DENND5B: variants seen among roughly 807,000 people sequenced by gnomAD.
DENND5B encodes the protein DENN domain containing 5B.
Under a neutral mutation model 140.6 loss-of-function variants are expected in DENND5B, and 34 were observed. The observed-to-expected ratio is 0.24, with a 90% CI of 0.18 to 0.32. The LOEUF (loss-of-function observed/expected upper bound fraction) is 0.32. Among genes scored for constraint, DENND5B ranks in the 10% least tolerant of loss-of-function variants. The pLI is 1.00. For missense variants in DENND5B, 1,142 were observed against 1,560.2 expected (o/e 0.73, Z 4.52); for synonymous variants, 551 against 562.1 (o/e 0.98, Z 0.28).
At chr12:31,511,521 T>C (rs934987810) in intron 1 of DENND5B, among the ~76,000 whole-genome samples, 2 of 143,470 alleles carry the variant, frequency 1.4e-5, no homozygotes, top group Admixed American at 7.5e-5. Context: ...ATCTTAATAA[T>C]ACGTGAATAT....
intron 1 of DENND5B, chr12:31,499,512 G>T: frequency 1.9e-6 from 2 of 1,059,776 alleles, no homozygotes; most frequent in Non-Finnish European, 2.5e-6. Flanking sequence ...GTCTGACCAA[G>T]CAAAACTGAA....
chr12:31,547,074 G>GGT (rs1948888832), intron 1 of DENND5B, among the ~76,000 whole-genome samples: 1 of 152,162 alleles, frequency 6.6e-6, no homozygotes, highest in African/African-American at 2.4e-5. Context: ...GTTTCTCTGA[G>GGT]GTCACTGCCA....
At chr12:31,487,392 G>T (rs765152058) in intron 2 of DENND5B, among the ~76,000 whole-genome samples, 1 of 151,990 alleles carries the variant, frequency 6.6e-6, no homozygotes, top group Non-Finnish European at 1.5e-5. Flanking sequence ...TTGCTCTGCT[G>T]ATAGCATGAA....
rs148912665 is a variant in DENND5B, at chr12:31,575,926, A to G, written c.127+14780T>C. ...GGTTGCAGTGAGCCAAGATCACGCC[A>G]CTGCACTCCAGCCTGGGAGACAGAG... On this transcript the variant is annotated intron_variant, in intron 1 of 20. Coordinates refer to ENST00000389082, the MANE Select transcript of DENND5B (RefSeq NM_144973.4). Among the ~76,000 whole-genome samples, 1,137 of 152,176 alleles carry G rather than the reference A, an allele frequency of 7.5e-3. 4 individuals carry two copies. Among genetic ancestry groups the G allele is most frequent in the Admixed American group, 0.012 (176 of 15,284 alleles).
intron 8 of DENND5B, 82 bp from the exon 9 acceptor site, chr12:31,426,506 G>A: frequency 2.0e-6 from 3 of 1,466,928 alleles, no homozygotes; most frequent in Middle Eastern, 1.8e-4. Context: ...CAAGTGCAGA[G>A]ACAAATGAAA....
At chr12:31,484,959 G>A (rs1012905258) in intron 2 of DENND5B, among the ~76,000 whole-genome samples, 4 of 152,212 alleles carry the variant, frequency 2.6e-5, no homozygotes, top group South Asian at 4.1e-4. Flanking sequence ...GACCAGCTTA[G>A]TGGCTGAACC....
chr12:31,561,678 C>T (rs984264259), intron 1 of DENND5B, among the ~76,000 whole-genome samples: 1 of 152,128 alleles, frequency 6.6e-6, no homozygotes, highest in African/African-American at 2.4e-5. Context: ...AAATAGAAAA[C>T]ATTGCCATTT....
At chr12:31,419,777 C>T (rs1565561073) in intron 11 of DENND5B, among the ~76,000 whole-genome samples, 1 of 151,774 alleles carries the variant, frequency 6.6e-6, no homozygotes, top group Non-Finnish European at 1.5e-5. Context: ...AGTTTGAGAC[C>T]AGCCTGGCCA....
At chr12:31,459,545 C>T (rs1449971096) in intron 4 of DENND5B, among the ~76,000 whole-genome samples, 2 of 152,096 alleles carry the variant, frequency 1.3e-5, no homozygotes, top group Non-Finnish European at 1.5e-5. Flanking sequence ...ACCTTGGCCT[C>T]CCAAAGTGCT....
At chr12:31,404,445 C>T (rs564341010) in intron 14 of DENND5B, among the ~76,000 whole-genome samples, 5 of 152,196 alleles carry the variant, frequency 3.3e-5, no homozygotes, top group South Asian at 4.1e-4. Context: ...TACAGGTGCA[C>T]GCTACCACAC....
intron 2 of DENND5B, among the ~76,000 whole-genome samples, chr12:31,484,182 A>G (rs1354003081): frequency 6.6e-6 from 1 of 152,126 alleles, no homozygotes; most frequent in Non-Finnish European, 1.5e-5. Flanking sequence ...CAAGTTCAAA[A>G]TGGGTCGTAA....
chr12:31,420,072 T>G (rs1369606490), intron 11 of DENND5B: 1 of 984,974 alleles, frequency 1.0e-6, no homozygotes, highest in Non-Finnish European at 1.2e-6. Flanking sequence ...ATTTCCAGTT[T>G]AGTAGAACCT....
chr12:31,567,525 T>TTAAAA (rs778266873), intron 1 of DENND5B, among the ~76,000 whole-genome samples: 5 of 91,746 alleles, frequency 5.4e-5, no homozygotes, highest in Admixed American at 2.7e-4. Context: ...AGACTCTGTC[T>TTAAAA]AAAAAAAAAA....
chr12:31,400,843 T>TG (rs1234544500), intron 15 of DENND5B, among the ~76,000 whole-genome samples: 1 of 20,580 alleles, frequency 4.9e-5, no homozygotes, highest in African/African-American at 7.0e-5. Context: ...ACGAGTTTTT[T>TG]TTTTTTGTTT....
chr12:31,389,203 A>C, intron 20 of DENND5B, 121 bp downstream of exon 20: 2 of 981,646 alleles, frequency 2.0e-6, no homozygotes, highest in Non-Finnish European at 2.8e-6. Context: ...TTTCAAAAGA[A>C]AAAGTAAAAG....
chr12:31,418,502 C>G (rs1035460220), intron 11 of DENND5B, among the ~76,000 whole-genome samples: 1 of 151,624 alleles, frequency 6.6e-6, no homozygotes, highest in Non-Finnish European at 1.5e-5. Context: ...TTATGTTGCC[C>G]AGGCTGGACT....
intron 8 of DENND5B, 24 bp from the exon 9 acceptor site, chr12:31,426,448 A>G (rs778563406): frequency 6.2e-7 from 1 of 1,600,314 alleles, no homozygotes; most frequent in Non-Finnish European, 8.5e-7. Flanking sequence ...GAGTATTTTT[A>G]ATGCGTAAAC....
intron 1 of DENND5B, among the ~76,000 whole-genome samples, chr12:31,578,120 C>T (rs2139450311): frequency 9.4e-6 from 1 of 106,116 alleles, no homozygotes; most frequent in Admixed American, 1.2e-4. Context: ...AAGTGGGACG[C>T]TGTCTCAAAA....
chr12:31,533,666 A>T (rs529315716), intron 1 of DENND5B, among the ~76,000 whole-genome samples: 3 of 152,300 alleles, frequency 2.0e-5, no homozygotes, highest in East Asian at 3.9e-4. Flanking sequence ...ATACACTATG[A>T]TCTCTTTGAC....
Sources: allele counts gnomAD v4.1 joint callset (sites outside exome capture counted in the v4.1 genomes callset), GRCh38; gene constraint gnomAD v4.1.1; transcripts MANE v1.5; gene names NCBI Gene and HGNC (gene_info 2026-07-23, HGNC 2026-07-21).